The following TDRD9 variants were observed in gnomAD, a reference collection of about 807,000 sequenced individuals.
TDRD9 encodes tudor domain containing 9.
Under a neutral mutation model 172.6 loss-of-function variants are expected in TDRD9, and 124 were observed. That is an observed-to-expected ratio of 0.72 (90% CI 0.62 to 0.83). The LOEUF is 0.83. Ranked by LOEUF, TDRD9 falls within the 40% of genes least tolerant of loss-of-function variation. TDRD9 has a pLI of 0.00. For synonymous variants in TDRD9, 619 were observed against 617.1 expected (o/e 1.00, Z -0.05); for missense variants, 1,479 against 1,714.1 (o/e 0.86, Z 2.42).
chr14:104,025,984 A>G (rs2035104451), intron 26 of TDRD9, 63 bp from the exon 27 acceptor site: 35 of 1,130,146 alleles, frequency 3.1e-5, no homozygotes, highest in South Asian at 3.9e-5. Flanking sequence ...CTGCATTGCT[A>G]TTGCTCAGGT....
chr14:103,983,205 A>G (rs1421198880), intron 7 of TDRD9, among the ~76,000 whole-genome samples: 1 of 122,956 alleles, frequency 8.1e-6, no homozygotes, highest in African/African-American at 3.4e-5. Flanking sequence ...CTGGGATTAC[A>G]GGTGTGTGCC....
chr14:104,003,192 A>G (rs1382134609), intron 13 of TDRD9, among the ~76,000 whole-genome samples: 3 of 151,892 alleles, frequency 2.0e-5, no homozygotes, highest in Non-Finnish European at 4.4e-5. Flanking sequence ...TGAGACAGTG[A>G]GTTTTGTCAG....
At chr14:104,019,364 TTTTA>T (rs371044579) in intron 23 of TDRD9, among the ~76,000 whole-genome samples, 46 of 152,238 alleles carry the variant, frequency 3.0e-4, no homozygotes, top group African/African-American at 1.1e-3. Context: ...GTTTTATTAT[TTTTA>T]TTTATTTATT....
chr14:103,952,213 TATATATA>T (rs1235317996), intron 1 of TDRD9, among the ~76,000 whole-genome samples: 28 of 71,676 alleles, frequency 3.9e-4, no homozygotes, highest in South Asian at 1.4e-3. Context: ...TATATATATA[TATATATA>T]TTTTTTTTTT....
chr14:103,987,489 A>AT (rs1245581690), intron 8 of TDRD9, among the ~76,000 whole-genome samples: 1 of 151,580 alleles, frequency 6.6e-6, no homozygotes, highest in Non-Finnish European at 1.5e-5. Context: ...TCTGATTTCC[A>AT]TTTTGATTTT....
Position 103,991,220 on chromosome 14 carries a change from G to T in TDRD9, c.1176G>T (p.Leu392Phe). ...VLERSSVLVF[L>F]PGLGEINYMH... ...AGCGAAGCAGTGTGTTGGTGTTTTTGCCAGGTAAGAACATCATAATTTTGT... is the reference window on the plus strand; with the variant it reads ...AGCGAAGCAGTGTGTTGGTGTTTTTTCCAGGTAAGAACATCATAATTTTGT... The change falls in exon 9 of 36, where the codon TTG becomes TTT. Residue 392 changes from leucine to phenylalanine, a missense_variant. This residue lies in a region of TDRD9 where 1,413 missense variants were observed against 1,649.1 expected (regional missense o/e 0.86). Transcript: ENST00000409874. 1 of 1,613,948 alleles carries T rather than the reference G, an allele frequency of 6.2e-7. No homozygotes were observed. Among genetic ancestry groups the T allele is most frequent in the Non-Finnish European group, 8.5e-7 (1 of 1,179,874 alleles).
intron 13 of TDRD9, 140 bp from the exon 14 acceptor site, chr14:104,004,094 TTCTA>T: frequency 4.3e-6 from 2 of 462,668 alleles, no homozygotes; most frequent in Non-Finnish European, 7.9e-6. Context: ...CACTAATGTA[TTCTA>T]AAGTTTTTAC....
rs1403363673 is a variant in TDRD9 at position 104,025,543 on chromosome 14, TCTC to T, written c.2719-14_2719-12del. ...AAAGTCCTTTCTAGATTTCATCTCT[TCTC>T]CTCCTCTTCCTTTTTAGGTGGTTGA... On this transcript the variant is annotated intron_variant, in intron 25 of 35. Transcript: ENST00000409874. 1 of 1,606,240 alleles carries T rather than the reference TCTC, an allele frequency of 6.2e-7. No homozygotes were observed.
At position 103,997,001 on chromosome 14, in the gene TDRD9, C is replaced by T. The variant is rs948233706; in HGVS notation, c.1378+1194C>T. Among the ~76,000 whole-genome samples, 2 of 152,142 alleles carry T rather than the reference C, an allele frequency of 1.3e-5. No homozygotes were observed. The highest frequency in any genetic ancestry group is 2.9e-5 in the Non-Finnish European group (2 of 68,022). On this transcript the variant is annotated intron_variant, in intron 12 of 35. Coordinates refer to ENST00000409874, the MANE Select transcript of TDRD9 (RefSeq NM_153046.3). The surrounding 1 kb of genome is among the most constrained non-coding windows in gnomAD (Gnocchi z 5.1). Reference sequence around the variant, plus strand: ...GCACCATCAAGCAAGGAGGCCAGGGCAGCTGGACCAGTGTGAACGAAGGGG... The same window carrying T: ...GCACCATCAAGCAAGGAGGCCAGGGTAGCTGGACCAGTGTGAACGAAGGGG...
intron 32 of TDRD9, among the ~76,000 whole-genome samples, 158 bp downstream of exon 32, chr14:104,035,214 AT>A (rs3830999): frequency 0.27 from 40,342 of 151,812 alleles, 5,750 homozygotes; most frequent in Non-Finnish European, 0.33. Flanking sequence ...TTATTGATTT[AT>A]TTATGCTTGG....
intron 1 of TDRD9, among the ~76,000 whole-genome samples, chr14:103,950,932 T>C (rs1001992595): frequency 6.6e-6 from 1 of 152,206 alleles, no homozygotes; most frequent in African/African-American, 2.4e-5. Flanking sequence ...AGCCACTGCT[T>C]GACCAGCTTC....
intron 5 of TDRD9, among the ~76,000 whole-genome samples, chr14:103,968,573 A>G (rs892971282): frequency 7.3e-6 from 1 of 137,572 alleles, no homozygotes; most frequent in African/African-American, 2.7e-5. Context: ...GATCACGAGG[A>G]TTTGTGAGAT....
chr14:103,976,576 T>A (rs1291523764), intron 7 of TDRD9, among the ~76,000 whole-genome samples: 1 of 152,026 alleles, frequency 6.6e-6, no homozygotes, highest in Non-Finnish European at 1.5e-5. Flanking sequence ...ATTCATCTCT[T>A]AATGTACACC....
Position 103,928,474 on chromosome 14 carries a change from CGGCAGTTGGGGGATGCCGACGCCTG to C in TDRD9, c.-32_-8del. 1 of 1,426,948 alleles carries C rather than the reference CGGCAGTTGGGGGATGCCGACGCCTG, an allele frequency of 7.0e-7. No individual in the cohort carries two copies. The highest frequency in any genetic ancestry group is 9.3e-7 in the Non-Finnish European group (1 of 1,080,684). 88.4% of individuals were successfully genotyped at this position (1,426,948 alleles called of 1,614,324 possible). ...GTCGCCTGTTCCCGCCGCGGAGACC[CGGCAGTTGGGGGATGCCGACGCCTG>C]GGCCTTGAGGATGCTGCGGAAGCTC... On this transcript the variant is annotated 5_prime_UTR_variant, in exon 1 of 36. An upstream start codon of the reference 5' UTR is lost. Coordinates refer to ENST00000409874, the MANE Select transcript of TDRD9 (RefSeq NM_153046.3).
At chr14:103,974,416 C>T (rs2033154943) in intron 6 of TDRD9, among the ~76,000 whole-genome samples, 1 of 152,092 alleles carries the variant, frequency 6.6e-6, no homozygotes, top group Admixed American at 6.6e-5. Context: ...GGCTGAGTTT[C>T]TTAAGGATAT....
chr14:104,037,454 A>G (rs546079628), intron 32 of TDRD9, among the ~76,000 whole-genome samples: 1 of 152,282 alleles, frequency 6.6e-6, no homozygotes, highest in Admixed American at 6.5e-5. Context: ...CACATGTGTC[A>G]CTGTCCTGTC....
In TDRD9 at chr14:103,983,700, A is replaced by G. The variant is rs141927534; in HGVS notation, c.1012-2517A>G. On this transcript the variant is annotated intron_variant, in intron 7 of 35. Transcript: ENST00000409874. ...GGGAAAGCTGGGCAGTCACACCCATAGTAAATTAGTACCAGTAGAGTGGGG... is the reference window on the plus strand; with the variant it reads ...GGGAAAGCTGGGCAGTCACACCCATGGTAAATTAGTACCAGTAGAGTGGGG... 1.2e-3 allele frequency among the ~76,000 whole-genome samples: 184 copies of G among 152,308 alleles called. 1 individual carries two copies. Among genetic ancestry groups the G allele is most frequent in the African/African-American group, 4.2e-3 (175 of 41,568 alleles).
chr14:103,974,440 C>G (rs1184701854), intron 6 of TDRD9, among the ~76,000 whole-genome samples: 2 of 152,062 alleles, frequency 1.3e-5, no homozygotes, highest in African/African-American at 4.8e-5. Flanking sequence ...TTCATATTTG[C>G]TTTTTGACAA....
chr14:104,049,144 G>GTA (rs1359347144), intron 34 of TDRD9, among the ~76,000 whole-genome samples: 1 of 151,362 alleles, frequency 6.6e-6, no homozygotes, highest in African/African-American at 2.4e-5. Flanking sequence ...GTGTGTGTGT[G>GTA]TGTATGTATG....
Sources: allele counts gnomAD v4.1 joint callset (sites outside exome capture counted in the v4.1 genomes callset), GRCh38; gene constraint gnomAD v4.1.1; regional missense constraint gnomAD v4.1.1; non-coding constraint Gnocchi (gnomAD v3.1); transcripts MANE v1.5; gene names NCBI Gene and HGNC (gene_info 2026-07-23, HGNC 2026-07-21).